The following CNNM1 variants were observed in gnomAD, a reference collection of about 807,000 sequenced individuals.
The protein encoded by CNNM1 is cyclin and CBS domain divalent metal cation transport mediator 1, also known as metal transporter CNNM1.
Under a neutral mutation model 78.8 loss-of-function variants are expected in CNNM1, and 44 were observed. The ratio of observed to expected loss-of-function variants is 0.56; its 90% CI spans 0.44 to 0.72. The LOEUF (loss-of-function observed/expected upper bound fraction) is 0.72. Ranked by LOEUF, CNNM1 falls within the 30% of genes least tolerant of loss-of-function variation. CNNM1 has a pLI of 0.00. For missense variants in CNNM1, 1,101 were observed against 1,292.2 expected, an observed-to-expected ratio of 0.85 and a Z score of 2.27; for synonymous variants, 584 against 581.5, an observed-to-expected ratio of 1.00 and a Z score of -0.06.
chr10:99,389,343 G>A (rs2032401896), intron 9 of CNNM1, among the ~76,000 whole-genome samples: 1 of 151,204 alleles, frequency 6.6e-6, no homozygotes, highest in African/African-American at 2.4e-5. Flanking sequence ...CTTGAACCTG[G>A]GAAGCTGAGG....
intron 7 of CNNM1, chr10:99,377,422 T>C (rs1363982268): frequency 4.6e-6 from 2 of 436,366 alleles, no homozygotes; most frequent in East Asian, 7.2e-5. Context: ...TGTCACTCTT[T>C]TAACATCTCC....
At chr10:99,380,593 C>T (rs951189339) in intron 7 of CNNM1, among the ~76,000 whole-genome samples, 28 of 152,008 alleles carry the variant, frequency 1.8e-4, no homozygotes, top group Admixed American at 7.9e-4. Context: ...GAGTTTGTGA[C>T]CAGCCTGGAC....
intron 7 of CNNM1, among the ~76,000 whole-genome samples, chr10:99,381,959 G>A (rs1356497896): frequency 6.6e-6 from 1 of 151,748 alleles, no homozygotes; most frequent in African/African-American, 2.4e-5. Context: ...ACGTTATTTA[G>A]GCCACTCATT....
At chr10:99,350,654 G>C (rs560637514) in intron 1 of CNNM1, among the ~76,000 whole-genome samples, 1 of 152,098 alleles carries the variant, frequency 6.6e-6, no homozygotes, top group South Asian at 2.1e-4. Flanking sequence ...TAAATTTCAG[G>C]TTCCGGGGTA....
At position 99,329,664 on chromosome 10, in the gene CNNM1, A is replaced by C. The variant is rs746396934; in HGVS notation, c.277A>C (p.Asn93His). 1.0e-5 allele frequency: 16 copies of C among 1,553,094 alleles called. No homozygotes were observed. The South Asian group carries it at 1.9e-4, about 18-fold the overall frequency. The change falls in exon 1 of 11, where the codon AAC becomes CAC. Residue 93 changes from asparagine (N) to histidine (H), a missense_variant. Coordinates refer to ENST00000356713, the MANE Select transcript of CNNM1 (RefSeq NM_020348.3). Reference sequence around the variant, plus strand: ...CGCACCGGTGCCCTCACCGACCCTCAACTCGGGGGAGAATGGCACCGGCGA... The same window carrying C: ...CGCACCGGTGCCCTCACCGACCCTCCACTCGGGGGAGAATGGCACCGGCGA... ...TAAPVPSPTL[N>H]SGENGTGDWA...
chr10:99,359,923 C>CAAA (rs71009748), intron 2 of CNNM1, among the ~76,000 whole-genome samples: 1 of 115,362 alleles, frequency 8.7e-6, no homozygotes, highest in Non-Finnish European at 1.8e-5. Context: ...TTTCCTCTAC[C>CAAA]AAAAAAAAAA....
chr10:99,343,705 T>TTTTTG (rs559824412), intron 1 of CNNM1, among the ~76,000 whole-genome samples: 1 of 151,858 alleles, frequency 6.6e-6, no homozygotes, highest in Admixed American at 6.6e-5. Flanking sequence ...TCTTCCTTCT[T>TTTTTG]TTTTGTTTTG....
chr10:99,388,585 T>G (rs1369713051), intron 9 of CNNM1, among the ~76,000 whole-genome samples: 1 of 152,240 alleles, frequency 6.6e-6, no homozygotes, highest in African/African-American at 2.4e-5. Context: ...TTATGCAATT[T>G]TAGGCAAGTT....
intron 6 of CNNM1, among the ~76,000 whole-genome samples, chr10:99,371,449 A>C (rs553311198): frequency 6.6e-6 from 1 of 152,192 alleles, no homozygotes; most frequent in Admixed American, 6.5e-5. Context: ...TGAATTCCCC[A>C]TAACAGTCCT....
intron 7 of CNNM1, among the ~76,000 whole-genome samples, chr10:99,378,165 T>C (rs535723608): frequency 1.3e-5 from 2 of 152,250 alleles, no homozygotes; most frequent in South Asian, 2.1e-4. Flanking sequence ...GGTTTCACCA[T>C]GTTGGTCAGG....
chr10:99,360,860 C>T lies in CNNM1; in HGVS notation c.1743C>T (p.Val581=). The change falls in exon 3 of 11, where the codon GTC becomes GTT. Residue 581 remains valine (V), a synonymous_variant. Transcript: ENST00000356713. ...LYTDNRKKQR[V]PQRERKRHDF... ...CTGACAATCGGAAAAAGCAGAGGGT[C>T]CCGCAACGGGAGCGGAAGCGGCATG... 3 of 1,610,776 alleles carry T rather than the reference C, an allele frequency of 1.9e-6. No individual in the cohort carries two copies. Among genetic ancestry groups the T allele is most frequent in the Non-Finnish European group, 2.5e-6 (3 of 1,177,490 alleles).
intron 6 of CNNM1, among the ~76,000 whole-genome samples, chr10:99,376,748 A>T (rs2031974366): frequency 6.6e-6 from 1 of 152,134 alleles, no homozygotes; most frequent in Non-Finnish European, 1.5e-5. Flanking sequence ...GTCTGGGGAA[A>T]ATAGATGCTC....
At chr10:99,361,109 G>A (rs2031418510) in intron 3 of CNNM1, 134 bp downstream of exon 3, 1 of 1,015,604 alleles carries the variant, frequency 9.8e-7, no homozygotes, top group South Asian at 2.1e-5. Context: ...CTAGGAAGGA[G>A]GTTGCCTTAG....
chr10:99,341,783 T>C (rs943709845), intron 1 of CNNM1, among the ~76,000 whole-genome samples: 1 of 152,206 alleles, frequency 6.6e-6, no homozygotes, highest in Non-Finnish European at 1.5e-5. Flanking sequence ...CGAAGATATT[T>C]GTCAAACATA....
chr10:99,331,015 C>CCTG, intron 1 of CNNM1, 55 bp downstream of exon 1: 1 of 1,508,350 alleles, frequency 6.6e-7, no homozygotes, highest in South Asian at 1.3e-5. Flanking sequence ...AGGTATTATC[C>CCTG]TTTCCTAACC....
intron 6 of CNNM1, among the ~76,000 whole-genome samples, chr10:99,366,600 G>T (rs12783100): frequency 0.56 from 84,831 of 151,870 alleles, 25,037 homozygotes; most frequent in Non-Finnish European, 0.67. Flanking sequence ...TGGCCAACAT[G>T]GTGAAACCTT....
At chr10:99,373,037 G>A (rs530056497) in intron 6 of CNNM1, among the ~76,000 whole-genome samples, 5 of 151,976 alleles carry the variant, frequency 3.3e-5, no homozygotes, top group Non-Finnish European at 7.4e-5. Context: ...GTCCTTGTGG[G>A]TGTCATCTAC....
chr10:99,381,884 A>G (rs1035319029), intron 7 of CNNM1, among the ~76,000 whole-genome samples: 1 of 150,446 alleles, frequency 6.6e-6, no homozygotes, highest in African/African-American at 2.4e-5. Flanking sequence ...TTTTTTTAAT[A>G]TAAGATTCTG....
At chr10:99,387,394 C>T (rs912815557) in intron 7 of CNNM1, among the ~76,000 whole-genome samples, 1 of 152,228 alleles carries the variant, frequency 6.6e-6, no homozygotes, top group Non-Finnish European at 1.5e-5. Flanking sequence ...CCTCCAGCTT[C>T]CCGACACTGA....
Sources: gnomAD v4.1 joint callset for allele counts (sites outside exome capture counted in the v4.1 genomes callset) on GRCh38, gnomAD v4.1.1 for gene constraint, MANE v1.5 for transcripts, NCBI Gene and HGNC (gene_info 2026-07-23, HGNC 2026-07-21) for gene names.